The following PCDH15 variants were observed in gnomAD, a reference collection of about 807,000 sequenced individuals.
PCDH15 encodes the protein protocadherin related 15, also known as protocadherin-15.
In PCDH15, 129 loss-of-function variants were observed where a neutral mutation model predicts 178.5. That is an observed-to-expected ratio of 0.72 (90% CI 0.63 to 0.84). The LOEUF (loss-of-function observed/expected upper bound fraction) is 0.84, where lower values mean the gene tolerates loss of function less well. Ranked by LOEUF, PCDH15 falls within the 40% of genes least tolerant of loss-of-function variation. The pLI is 0.00. For missense variants in PCDH15, 2,230 were observed against 2,099.9 expected (o/e 1.06, Z -1.21); for synonymous variants, 800 against 732.0 (o/e 1.09, Z -1.50).
intron 2 of PCDH15, among the ~76,000 whole-genome samples, chr10:55,433,954 T>A (rs1838957473): frequency 6.6e-6 from 1 of 152,116 alleles, no homozygotes; most frequent in Non-Finnish European, 1.5e-5. Flanking sequence ...GTGGTTTATT[T>A]CTGGGCTCCA....
At chr10:55,626,466 G>A (rs1271237440) in intron 2 of PCDH15, among the ~76,000 whole-genome samples, 1 of 152,174 alleles carries the variant, frequency 6.6e-6, no homozygotes, top group Non-Finnish European at 1.5e-5. Flanking sequence ...TTCAAGATCT[G>A]AATACTAACG....
In PCDH15 at chr10:55,011,581, T is replaced by C. The variant is rs190664929; in HGVS notation, c.-79-114081A>G. On this transcript the variant is annotated intron_variant, in intron 2 of 5. Transcript: ENST00000458638. ...TTTACATACTTTAAATTATTCATGG[T>C]TTAAAAATGAAAACAATTGAAACAT... is the stretch of plus-strand genomic sequence containing the variant. Among the ~76,000 whole-genome samples, 206 of 152,202 alleles carry C rather than the reference T, an allele frequency of 1.4e-3. 1 individual carries two copies. The highest frequency in any genetic ancestry group is 2.2e-3 in the Admixed American group (33 of 15,262).
intron 1 of PCDH15, among the ~76,000 whole-genome samples, chr10:54,726,779 G>T (rs1415402309): frequency 6.7e-6 from 1 of 148,884 alleles, no homozygotes; most frequent in Non-Finnish European, 1.5e-5. Flanking sequence ...CTACACAGCA[G>T]AATAGGCCAA....
chr10:54,799,230 A>G (rs953329765), intron 1 of PCDH15, among the ~76,000 whole-genome samples: 2 of 152,148 alleles, frequency 1.3e-5, no homozygotes, highest in African/African-American at 4.8e-5. Context: ...AAGTGGCATA[A>G]AAACAATTTA....
At chr10:55,063,857 G>T (rs1003644943) in intron 2 of PCDH15, among the ~76,000 whole-genome samples, 10 of 152,134 alleles carry the variant, frequency 6.6e-5, no homozygotes, top group Non-Finnish European at 1.2e-4. Flanking sequence ...AAAGTTATCA[G>T]AAGGTAAACA....
At position 54,895,767 on chromosome 10, in the gene PCDH15, A is replaced by G. The variant is rs1481963896; in HGVS notation, c.-29+1683T>C. ...TTCTTATTATTTTGAGGTATATATC[A>G]CTAAAAAGAACAAGCTGAATCAGTC... On this transcript the variant is annotated intron_variant, in intron 3 of 5. Coordinates refer to the PCDH15 transcript ENST00000458638. Among the ~76,000 whole-genome samples the G allele has an allele frequency of 4.6e-5, 7 of 152,348 alleles. 1 individual carries two copies. The East Asian group carries it at 1.2e-3, about 25-fold the overall frequency.
At chr10:54,772,690 T>G (rs544549000) in intron 1 of PCDH15, among the ~76,000 whole-genome samples, 13 of 152,060 alleles carry the variant, frequency 8.5e-5, no homozygotes, top group Non-Finnish European at 1.6e-4. Context: ...TTTCAACCAT[T>G]GTGGAAGACA....
chr10:55,424,012 A>C (rs1262730248), intron 2 of PCDH15, among the ~76,000 whole-genome samples: 1 of 152,088 alleles, frequency 6.6e-6, no homozygotes, highest in Admixed American at 6.6e-5. Flanking sequence ...GAAGACACAC[A>C]CAAGCAGAAG....
intron 1 of PCDH15, among the ~76,000 whole-genome samples, chr10:55,315,256 A>G (rs1227315496): frequency 6.6e-6 from 1 of 152,184 alleles, no homozygotes; most frequent in African/African-American, 2.4e-5. Flanking sequence ...AGACTATATT[A>G]TAAAAACTAT....
intron 3 of PCDH15, among the ~76,000 whole-genome samples, chr10:54,523,644 T>C (rs1295628288): frequency 6.6e-6 from 1 of 152,222 alleles, no homozygotes; most frequent in Non-Finnish European, 1.5e-5. Flanking sequence ...CTGTAGGAAA[T>C]ATTTTAAGTC....
rs545626657 is a variant in PCDH15 at position 55,103,701 on chromosome 10, G to A, written c.-80+62875C>T. On this transcript the variant is annotated intron_variant, in intron 2 of 5. Transcript: ENST00000458638. ...TAGTGCTGTCAGTTCTTTCCATATA[G>A]TGCCATGTGTAATGAAATTTACAGG... is the stretch of plus-strand genomic sequence containing the variant. 1.2e-4 allele frequency among the ~76,000 whole-genome samples: 18 copies of A among 152,040 alleles called. No individual in the cohort carries two copies. In the South Asian group the frequency reaches 3.7e-3, roughly 32 times the overall value.
chr10:54,582,334 C>CAA (rs2091114324), intron 2 of PCDH15, among the ~76,000 whole-genome samples: 1 of 151,872 alleles, frequency 6.6e-6, no homozygotes, highest in African/African-American at 2.4e-5. Flanking sequence ...CAAAATATTC[C>CAA]ATAAAGATTG....
At chr10:54,518,664 T>C (rs1261198511) in intron 3 of PCDH15, among the ~76,000 whole-genome samples, 7 of 152,090 alleles carry the variant, frequency 4.6e-5, no homozygotes, top group African/African-American at 1.7e-4. Flanking sequence ...CCTTCTGAAA[T>C]TATTCCAATC....
At chr10:55,305,209 AG>A (rs1194524541) in intron 1 of PCDH15, among the ~76,000 whole-genome samples, 2 of 152,246 alleles carry the variant, frequency 1.3e-5, no homozygotes, top group African/African-American at 4.8e-5. Context: ...TAACAGAACA[AG>A]GAGTCAAAAC....
chr10:54,284,066 C>T (rs536521121), intron 8 of PCDH15, among the ~76,000 whole-genome samples: 5 of 152,228 alleles, frequency 3.3e-5, no homozygotes, highest in Admixed American at 2.0e-4. Flanking sequence ...AACTCCTGGC[C>T]TCAACCCATC....
At chr10:55,040,832 A>AT (rs575084322) in intron 2 of PCDH15, among the ~76,000 whole-genome samples, 9,284 of 152,052 alleles carry the variant, frequency 0.061, 391 homozygotes, top group African/African-American at 0.11. Flanking sequence ...CTATTTTATG[A>AT]CTTTTTTCTC....
chr10:54,011,810 G>C (rs1226937103), intron 20 of PCDH15, among the ~76,000 whole-genome samples: 1 of 152,204 alleles, frequency 6.6e-6, no homozygotes, highest in Admixed American at 6.5e-5. Context: ...AAATTAGACA[G>C]TTGAAAGAAC....
chr10:54,570,051 TG>T (rs2089590108), intron 2 of PCDH15, among the ~76,000 whole-genome samples: 1 of 151,710 alleles, frequency 6.6e-6, no homozygotes, highest in African/African-American at 2.4e-5. Context: ...TGTGTGTGTG[TG>T]TGTGTCTGTG....
rs553685233 is a variant in PCDH15, at chr10:54,299,385, AG to A, written c.876+17885del. 2.0e-3 allele frequency among the ~76,000 whole-genome samples: 306 copies of A among 152,262 alleles called. 6 individuals are homozygous for A. Among genetic ancestry groups the A allele is most frequent in the Admixed American group, 0.016 (241 of 15,286 alleles). ...GTCAAAGAGAGAGAAAGAGGGAGAT[AG>A]AAGTAGTAAAGAAAAAACAGTGTAC... On this transcript the variant is annotated intron_variant, in intron 8 of 37. Coordinates refer to ENST00000644397, the MANE Select transcript of PCDH15 (RefSeq NM_001384140.1).
Sources: allele counts gnomAD v4.1 joint callset (sites outside exome capture counted in the v4.1 genomes callset), GRCh38; gene constraint gnomAD v4.1.1; transcripts MANE v1.5; gene names NCBI Gene and HGNC (gene_info 2026-07-23, HGNC 2026-07-21).